INTU: variants seen among roughly 807,000 people sequenced by gnomAD.
INTU encodes protein inturned.
Under a neutral mutation model 100.5 loss-of-function variants are expected in INTU, and 68 were observed. That is an observed-to-expected ratio of 0.68 (90% CI 0.56 to 0.83). INTU has a LOEUF of 0.83. INTU is among the 40% of genes least tolerant of loss of function. INTU has a pLI of 0.00. For missense variants in INTU, 1,071 were observed against 1,114.7 expected (o/e 0.96, Z 0.56); for synonymous variants, 357 against 395.7 (o/e 0.90, Z 1.16).
In INTU at chr4:127,663,362, A is replaced by T. The variant is rs184818825; in HGVS notation, c.769-19A>T. ...TTTTCCCTTGTCGAAAAGTCAACAC[A>T]TTGTTTTAATTTTTAAAGGTGAAAC... On this transcript the variant is annotated intron_variant, in intron 3 of 15. Transcript: ENST00000335251. 5.7e-5 allele frequency: 91 copies of T among 1,597,006 alleles called. No individual in the cohort carries two copies. Among genetic ancestry groups the T allele is most frequent in the Middle Eastern group, 5.7e-4 (3 of 5,302 alleles).
rs190774216 is a variant in INTU, at chr4:127,694,272, C to G, written c.1450-5738C>G. ...ACTTGTTATTTGTCTGTTCAGAGATCCTATATCTTCCTTGTTTCATCTAGG... is the reference window on the plus strand; with the variant it reads ...ACTTGTTATTTGTCTGTTCAGAGATGCTATATCTTCCTTGTTTCATCTAGG... On this transcript the variant is annotated intron_variant, in intron 8 of 15. Transcript: ENST00000335251. Among the ~76,000 whole-genome samples the G allele has an allele frequency of 8.3e-3, 1,253 of 151,830 alleles. 10 individuals carry two copies. The highest frequency in any genetic ancestry group is 0.051 in the Middle Eastern group (15 of 294).
At chr4:127,655,921 C>G (rs1202167000) in intron 2 of INTU, among the ~76,000 whole-genome samples, 1 of 151,944 alleles carries the variant, frequency 6.6e-6, no homozygotes, top group Non-Finnish European at 1.5e-5. Flanking sequence ...GATATAATCT[C>G]GTGGTGCGCC....
At chr4:127,666,763 G>A (rs563529964) in intron 4 of INTU, among the ~76,000 whole-genome samples, 24 of 152,324 alleles carry the variant, frequency 1.6e-4, no homozygotes, top group African/African-American at 5.8e-4. Context: ...GTCTCTCAGA[G>A]CATCTAGTCA....
intron 5 of INTU, among the ~76,000 whole-genome samples, chr4:127,673,220 C>T (rs1729013155): frequency 6.6e-6 from 1 of 152,106 alleles, no homozygotes; most frequent in South Asian, 2.1e-4. Context: ...CTTTGTCACC[C>T]ATGCTGGAGT....
intron 2 of INTU, among the ~76,000 whole-genome samples, chr4:127,648,098 A>G (rs1727670950): frequency 6.6e-6 from 1 of 152,206 alleles, no homozygotes; most frequent in Admixed American, 6.5e-5. Context: ...AAATTTTCTC[A>G]TATTTCTACC....
chr4:127,633,277 A>C, intron 1 of INTU, 97 bp downstream of exon 1: 1 of 1,310,752 alleles, frequency 7.6e-7, no homozygotes. Flanking sequence ...CGTGGTTGGA[A>C]TCGAGTATTT....
At chr4:127,675,576 A>G (rs1729137557) in intron 6 of INTU, among the ~76,000 whole-genome samples, 1 of 152,182 alleles carries the variant, frequency 6.6e-6, no homozygotes, top group Non-Finnish European at 1.5e-5. Flanking sequence ...GTAATCTAGC[A>G]GGTAGTTCTG....
At chr4:127,653,976 A>G (rs964271245) in intron 2 of INTU, among the ~76,000 whole-genome samples, 1 of 151,224 alleles carries the variant, frequency 6.6e-6, no homozygotes, top group Non-Finnish European at 1.5e-5. Context: ...CCATTATGTA[A>G]TGGCCTTCTT....
intron 9 of INTU, among the ~76,000 whole-genome samples, chr4:127,700,951 T>C (rs1299137713): frequency 6.6e-6 from 1 of 152,142 alleles, no homozygotes. Context: ...GAAAGTAGTC[T>C]AACTGAAATG....
chr4:127,662,674 A>G (rs1391856765), intron 3 of INTU, among the ~76,000 whole-genome samples: 3 of 152,178 alleles, frequency 2.0e-5, no homozygotes, highest in Non-Finnish European at 4.4e-5. Flanking sequence ...GACCAGTACC[A>G]GAACCATTAG....
chr4:127,652,890 A>C (rs1261313956), intron 2 of INTU, among the ~76,000 whole-genome samples: 7 of 139,704 alleles, frequency 5.0e-5, no homozygotes, highest in African/African-American at 1.6e-4. Context: ...TTATTGCCAC[A>C]ATTTCAGCTC....
rs948437480 is a variant in INTU at position 127,720,385 on chromosome 4, G to T, written c.*3949G>T. The T allele has an allele frequency of 6.6e-5, 10 of 152,182 alleles. No individual in the cohort carries two copies. The highest frequency in any genetic ancestry group is 2.4e-4 in the African/African-American group (10 of 41,444). 9.4% of individuals were successfully genotyped at this position (152,182 alleles called of 1,614,324 possible). A position where few individuals can be genotyped will look rare whatever the true frequency, so the allele number is the denominator to read the frequency against. On this transcript the variant is annotated 3_prime_UTR_variant, in exon 16 of 16. Transcript: ENST00000335251. ...TCAGTTCTTTAGCATTTGCTGAGGA[G>T]TGCTTTACTTCTAATTGTGTGATCA...
rs537140604 is a variant in INTU at position 127,705,500 on chromosome 4, C to T, written c.1567-91C>T. The T allele has an allele frequency of 1.3e-3, 1,249 of 933,798 alleles. 5 individuals are homozygous for T. The highest frequency in any genetic ancestry group is 2.2e-3 in the Middle Eastern group (9 of 4,082). 57.8% of individuals were successfully genotyped at this position (933,798 alleles called of 1,614,324 possible). A position where few individuals can be genotyped will look rare whatever the true frequency, so the allele number is the denominator to read the frequency against. Reference sequence around the variant, plus strand: ...TTGAAACTAGAATATTCTAAACCAACGGAAGAAGTGTCTATGAAACTCTTA... The same window carrying T: ...TTGAAACTAGAATATTCTAAACCAATGGAAGAAGTGTCTATGAAACTCTTA... On this transcript the variant is annotated intron_variant, in intron 10 of 15. Coordinates refer to ENST00000335251, the MANE Select transcript of INTU (RefSeq NM_015693.4).
chr4:127,656,525 T>C (rs1211750056), intron 2 of INTU, 111 bp from the exon 3 acceptor site: 5 of 707,114 alleles, frequency 7.1e-6, no homozygotes, highest in South Asian at 1.9e-5. Context: ...CTGCACCAGA[T>C]TTCTCACTGT....
chr4:127,647,884 C>T (rs1036782929), intron 2 of INTU, among the ~76,000 whole-genome samples: 2 of 152,040 alleles, frequency 1.3e-5, no homozygotes, highest in African/African-American at 4.8e-5. Flanking sequence ...ATAAACACAG[C>T]AGTAAACAAA....
Position 127,705,603 on chromosome 4 carries a change from T to C in INTU, c.1579T>C (p.Cys527Arg). The C allele has an allele frequency of 3.1e-6, 5 of 1,613,526 alleles. No homozygotes were observed. Among genetic ancestry groups the C allele is most frequent in the South Asian group, 1.1e-5 (1 of 91,056 alleles). Residue 527 changes from cysteine (C) to arginine (R), a missense_variant, in exon 11 of 16, where the codon TGC becomes CGC. By Grantham distance (180) the Cys-to-Arg change is radical (BLOSUM62 -3). Transcript: ENST00000335251. ...SSLFYKGYLI[C>R]SHLPKDDLID... ...GGTTAAATTCAAGGGTTATTTGATATGCAGTCATTTGCCCAAGGATGATCT... is the reference window on the plus strand; with the variant it reads ...GGTTAAATTCAAGGGTTATTTGATACGCAGTCATTTGCCCAAGGATGATCT...
rs1170478804 is a variant in INTU at position 127,721,420 on chromosome 4, AG to A, written c.*4985del. ...CCCTTAACATTTTTTCCTTCATTTC[AG>A]TCTTGGAGAATCTGATGATTATGTG... On this transcript the variant is annotated 3_prime_UTR_variant, in exon 16 of 16. Transcript: ENST00000335251. 6.6e-6 allele frequency: 1 copy of A among 152,054 alleles called. No homozygotes were observed. The highest frequency in any genetic ancestry group is 1.5e-5 in the Non-Finnish European group (1 of 68,010). The allele number at this position is 152,054 out of a possible 1,614,324, so 9.4% of individuals were successfully genotyped here.
intron 6 of INTU, among the ~76,000 whole-genome samples, chr4:127,677,259 G>C (rs536909803): frequency 7.6e-4 from 115 of 152,280 alleles, no homozygotes; most frequent in Middle Eastern, 3.4e-3. Flanking sequence ...GGTTCTCCCA[G>C]CATGCAGCTG....
In INTU at chr4:127,687,877, G is replaced by T; in HGVS notation, c.1449+10G>T. 1 of 1,551,978 alleles carries T rather than the reference G, an allele frequency of 6.4e-7. No homozygotes were observed. On this transcript the variant is annotated intron_variant, in intron 8 of 15. Coordinates refer to ENST00000335251, the MANE Select transcript of INTU (RefSeq NM_015693.4). The stretch of plus-strand genomic sequence containing the variant: ...TCCACTGGAAATCAAGGTAATCTTA[G>T]GTATTATAAAGCAGAAGCAGAACCA...
Sources: allele counts gnomAD v4.1 joint callset (sites outside exome capture counted in the v4.1 genomes callset), GRCh38; gene constraint gnomAD v4.1.1; transcripts MANE v1.5; gene names NCBI Gene and HGNC (gene_info 2026-07-23, HGNC 2026-07-21).